CTNNA2: variants seen among roughly 807,000 people sequenced by gnomAD.
CTNNA2 encodes catenin alpha 2, also known as catenin alpha-2.
CTNNA2 carries 42 observed loss-of-function variants against 101.0 expected under a neutral mutation model. That is an observed-to-expected ratio of 0.42 (90% CI 0.32 to 0.54). The LOEUF (loss-of-function observed/expected upper bound fraction) is 0.54. Among genes scored for constraint, CTNNA2 ranks in the 20% least tolerant of loss-of-function variants. CTNNA2 has a pLI of 0.14. For missense variants in CTNNA2, 871 were observed against 1,223.1 expected, an observed-to-expected ratio of 0.71 and a Z score of 4.29; for synonymous variants, 450 against 456.4, an observed-to-expected ratio of 0.99 and a Z score of 0.18.
chr2:79,291,033 G>A (rs766597265), intron 2 of CTNNA2, among the ~76,000 whole-genome samples: 10 of 152,076 alleles, frequency 6.6e-5, no homozygotes, highest in African/African-American at 9.7e-5. Flanking sequence ...AGAACCCCAC[G>A]ACCTGCCTGT....
At chr2:79,814,636 C>T (rs113186756) in intron 3 of CTNNA2, among the ~76,000 whole-genome samples, 16 of 120,882 alleles carry the variant, frequency 1.3e-4, no homozygotes, top group African/African-American at 2.6e-4. Flanking sequence ...CACACACACA[C>T]ACATATATAT....
intron 3 of CTNNA2, among the ~76,000 whole-genome samples, chr2:79,857,420 A>G (rs889674248): frequency 6.6e-6 from 1 of 152,250 alleles, no homozygotes; most frequent in Non-Finnish European, 1.5e-5. Flanking sequence ...AGAATCTGAC[A>G]CAAGTGTGTG....
At chr2:80,063,258 T>G (rs1019853781) in intron 7 of CTNNA2, among the ~76,000 whole-genome samples, 2 of 152,120 alleles carry the variant, frequency 1.3e-5, no homozygotes, top group Admixed American at 1.3e-4. Context: ...CTTTCTCTCA[T>G]TCTCTAGGCA....
chr2:80,021,490 C>T (rs1476451051), intron 7 of CTNNA2, among the ~76,000 whole-genome samples: 2 of 152,110 alleles, frequency 1.3e-5, no homozygotes, highest in Non-Finnish European at 2.9e-5. Context: ...ACCACCTTAA[C>T]AAAGACCACC....
chr2:79,823,761 G>C (rs938328784), intron 3 of CTNNA2, among the ~76,000 whole-genome samples: 1 of 151,958 alleles, frequency 6.6e-6, no homozygotes. Flanking sequence ...ATTGGTAATA[G>C]AAAATGACGT....
chr2:79,928,126 G>A (rs1279759037), intron 7 of CTNNA2, among the ~76,000 whole-genome samples: 1 of 152,166 alleles, frequency 6.6e-6, no homozygotes, highest in African/African-American at 2.4e-5. Context: ...TTGTGTGTTA[G>A]AGAAGGATTG....
intron 2 of CTNNA2, among the ~76,000 whole-genome samples, chr2:79,214,846 A>C (rs531945527): frequency 7.9e-4 from 120 of 152,062 alleles, no homozygotes; most frequent in South Asian, 4.4e-3. Context: ...AGTATTGTCT[A>C]AGTTGGCACC....
At chr2:80,639,513 A>ATGTGTGCGTGTGTG (rs1553418424) in intron 18 of CTNNA2, among the ~76,000 whole-genome samples, 10 of 147,408 alleles carry the variant, frequency 6.8e-5, no homozygotes. Flanking sequence ...CCCAGCCTTG[A>ATGTGTGCGTGTGTG]TGTGTGTGTG....
At chr2:79,596,082 C>T (rs1677172170) in intron 1 of CTNNA2, among the ~76,000 whole-genome samples, 1 of 151,788 alleles carries the variant, frequency 6.6e-6, no homozygotes, top group African/African-American at 2.4e-5. Flanking sequence ...CACAATCATT[C>T]ATGAATTTCA....
At chr2:79,760,726 C>G in intron 3 of CTNNA2, among the ~76,000 whole-genome samples, 1 of 152,274 alleles carries the variant, frequency 6.6e-6, no homozygotes, top group Middle Eastern at 3.4e-3. Context: ...AATGCTATGC[C>G]AATTTGAAAT....
chr2:79,259,555 G>A (rs1489893126), intron 2 of CTNNA2, among the ~76,000 whole-genome samples: 1 of 152,160 alleles, frequency 6.6e-6, no homozygotes, highest in Non-Finnish European at 1.5e-5. Flanking sequence ...ACACACAGCT[G>A]AGGATGATTT....
chr2:79,729,366 A>T (rs975456486), intron 2 of CTNNA2, among the ~76,000 whole-genome samples: 2 of 152,114 alleles, frequency 1.3e-5, no homozygotes, highest in Non-Finnish European at 2.9e-5. Context: ...ACTTTTCAGA[A>T]TGGGAAGCTG....
At chr2:80,455,418 C>T (rs935221480) in intron 9 of CTNNA2, among the ~76,000 whole-genome samples, 4 of 152,158 alleles carry the variant, frequency 2.6e-5, no homozygotes, top group African/African-American at 9.7e-5. Flanking sequence ...GTGAGGGAAA[C>T]AGAAGCAGAT....
intron 4 of CTNNA2, among the ~76,000 whole-genome samples, chr2:79,422,038 A>T (rs934859363): frequency 1.3e-5 from 2 of 152,122 alleles, no homozygotes; most frequent in Non-Finnish European, 2.9e-5. Flanking sequence ...CTCTAATCCC[A>T]GTTACTTGGG....
At chr2:79,561,439 A>C (rs188370524) in intron 1 of CTNNA2, among the ~76,000 whole-genome samples, 1 of 152,024 alleles carries the variant, frequency 6.6e-6, no homozygotes, top group African/African-American at 2.4e-5. Context: ...CTTGGTATGT[A>C]TAGTCCACCA....
At chr2:80,642,100 G>A (rs942672212) in intron 18 of CTNNA2, among the ~76,000 whole-genome samples, 4 of 152,176 alleles carry the variant, frequency 2.6e-5, no homozygotes, top group East Asian at 3.9e-4. Context: ...CAGCATTGTA[G>A]CACTTCAACA....
intron 13 of CTNNA2, among the ~76,000 whole-genome samples, chr2:80,581,426 CAG>C (rs1695530411): frequency 6.6e-6 from 1 of 152,106 alleles, no homozygotes; most frequent in Non-Finnish European, 1.5e-5. Context: ...AAATAATACA[CAG>C]ATATCATTTT....
chr2:80,240,065 G>T (rs1056321976), intron 7 of CTNNA2, among the ~76,000 whole-genome samples: 1 of 152,310 alleles, frequency 6.6e-6, no homozygotes, highest in Non-Finnish European at 1.5e-5. Flanking sequence ...AAGTGAAAGC[G>T]TGCATAAGTG....
chr2:80,452,524 C>G (rs1045676463), intron 9 of CTNNA2, among the ~76,000 whole-genome samples: 1 of 151,478 alleles, frequency 6.6e-6, no homozygotes, highest in East Asian at 1.9e-4. Flanking sequence ...GGGAGAGGTC[C>G]TCTGGGCAGC....
Sources: allele counts gnomAD v4.1 joint callset (sites outside exome capture counted in the v4.1 genomes callset), GRCh38; gene constraint gnomAD v4.1.1; transcripts MANE v1.5; gene names NCBI Gene and HGNC (gene_info 2026-07-23, HGNC 2026-07-21).